The following PEPD variants were observed in gnomAD, a reference collection of about 807,000 sequenced individuals.
PEPD encodes peptidase D.
A neutral mutation model predicts 60.7 loss-of-function variants in PEPD; 53 were observed. The ratio of observed to expected loss-of-function variants is 0.87; its 90% confidence interval spans 0.70 to 1.10. The LOEUF (loss-of-function observed/expected upper bound fraction) is 1.10, where lower values mean the gene tolerates loss of function less well. PEPD is among the 50% of genes least tolerant of loss of function. The probability of loss-of-function intolerance (pLI) is 0.00; values close to 1 mark genes in which losing one functional copy is unlikely to be tolerated. For synonymous variants in PEPD, 267 were observed against 284.1 expected (o/e 0.94, Z 0.60); for missense variants, 711 against 711.9 (o/e 1.00, Z 0.01).
chr19:33,497,371 C>G (rs1970628137), intron 4 of PEPD, among the ~76,000 whole-genome samples: 2 of 152,266 alleles, frequency 1.3e-5, no homozygotes, highest in Non-Finnish European at 2.9e-5. Context: ...CAGCTCTCAG[C>G]CGGTGATCCC....
chr19:33,448,005 T>C (rs1473492214), intron 9 of PEPD, among the ~76,000 whole-genome samples: 1 of 152,096 alleles, frequency 6.6e-6, no homozygotes, highest in Non-Finnish European at 1.5e-5. Flanking sequence ...TTATCATAAA[T>C]TACCTCCAGG....
chr19:33,391,463 G>C lies in PEPD; in HGVS notation c.984C>G (p.Asp328Glu), dbSNP rs368959300. Residue 328 changes from aspartate to glutamate, a missense_variant, in exon 13 of 15, where the codon GAC becomes GAG. By Grantham distance (45) the Asp-to-Glu change is conservative (BLOSUM62 2). Coordinates refer to ENST00000244137, the MANE Select transcript of PEPD (RefSeq NM_000285.4). ...GAMKPGVWWPDMHRLADRIHL... is the reference protein window; with the variant it reads ...GAMKPGVWWPEMHRLADRIHL... ...GGATGCGGTCAGCCAGGCGGTGCAT[G>C]TCAGGCCACCAGACACCTGTGGGCC... The C allele has an allele frequency of 2.4e-5, 37 of 1,551,254 alleles. No homozygotes were observed. In the Middle Eastern group the frequency reaches 5.5e-4, roughly 23 times the overall value.
At chr19:33,498,542 G>T (rs1970650326) in intron 4 of PEPD, among the ~76,000 whole-genome samples, 2 of 152,204 alleles carry the variant, frequency 1.3e-5, no homozygotes, top group South Asian at 4.1e-4. Flanking sequence ...GAGGTGGCTC[G>T]GACTCAGCAG....
chr19:33,492,011 G>T (rs184545873), intron 5 of PEPD, among the ~76,000 whole-genome samples: 236 of 115,634 alleles, frequency 2.0e-3, no homozygotes, highest in Admixed American at 6.2e-3. Flanking sequence ...TCTTTGAAGA[G>T]AAACCTCTAC....
chr19:33,398,965 A>T (rs1375982455), intron 12 of PEPD, among the ~76,000 whole-genome samples: 1 of 152,072 alleles, frequency 6.6e-6, no homozygotes, highest in African/African-American at 2.4e-5. Flanking sequence ...CTGTATATTC[A>T]TACTCAGGGG....
intron 4 of PEPD, among the ~76,000 whole-genome samples, chr19:33,497,547 T>C (rs2145329900): frequency 6.6e-6 from 1 of 152,376 alleles, no homozygotes; most frequent in South Asian, 2.1e-4. Flanking sequence ...CTGCATGGCA[T>C]ACATGCTATC....
At chr19:33,479,406 T>A (rs951493836) in intron 6 of PEPD, among the ~76,000 whole-genome samples, 2 of 152,108 alleles carry the variant, frequency 1.3e-5, no homozygotes, top group African/African-American at 4.8e-5. Context: ...GGCGAATGAA[T>A]TCTTTTTTTT....
chr19:33,446,760 G>C (rs1176638322), intron 9 of PEPD, among the ~76,000 whole-genome samples: 5 of 152,258 alleles, frequency 3.3e-5, no homozygotes, highest in African/African-American at 1.2e-4. Flanking sequence ...CCGCACCGAG[G>C]GTGGTGAGGC....
intron 7 of PEPD, among the ~76,000 whole-genome samples, chr19:33,468,704 G>A (rs577737301): frequency 1.3e-5 from 2 of 152,316 alleles, no homozygotes; most frequent in East Asian, 3.9e-4. Context: ...GCAGCGCAGC[G>A]ACACCTTCCC....
chr19:33,415,824 A>G (rs978407440), intron 9 of PEPD, among the ~76,000 whole-genome samples: 2 of 152,236 alleles, frequency 1.3e-5, no homozygotes, highest in East Asian at 1.9e-4. Flanking sequence ...GAGGAGGAGC[A>G]CCACGTGCTG....
intron 9 of PEPD, among the ~76,000 whole-genome samples, chr19:33,424,038 A>G (rs4362488): frequency 0.44 from 66,506 of 152,128 alleles, 15,025 homozygotes; most frequent in African/African-American, 0.55. Context: ...TTGGAGCACC[A>G]TCTTGTTGAA....
intron 7 of PEPD, chr19:33,477,018 C>G (rs1970229433): frequency 6.6e-6 from 1 of 152,214 alleles, no homozygotes; most frequent in Non-Finnish European, 1.5e-5. Context: ...TTAAACCCTT[C>G]AAGGGTTTCC....
At chr19:33,427,589 A>G (rs922251441) in intron 9 of PEPD, among the ~76,000 whole-genome samples, 4 of 152,262 alleles carry the variant, frequency 2.6e-5, no homozygotes, top group African/African-American at 9.6e-5. Context: ...ACTTTGGGGT[A>G]GCTTAAACCT....
At chr19:33,510,221 C>A (rs951302922) in intron 3 of PEPD, among the ~76,000 whole-genome samples, 2 of 152,284 alleles carry the variant, frequency 1.3e-5, no homozygotes, top group South Asian at 2.1e-4. Flanking sequence ...TGGAGGAACA[C>A]CAGGGTTCTT....
chr19:33,519,374 G>A (rs1971087315), intron 1 of PEPD, among the ~76,000 whole-genome samples: 1 of 152,170 alleles, frequency 6.6e-6, no homozygotes, highest in Non-Finnish European at 1.5e-5. Flanking sequence ...CAGTCACCTG[G>A]AACTCTCATG....
chr19:33,479,169 TC>T, intron 6 of PEPD, among the ~76,000 whole-genome samples: 1 of 151,186 alleles, frequency 6.6e-6, no homozygotes, highest in East Asian at 1.9e-4. Context: ...TCAATTGTAA[TC>T]CCCATAATCA....
chr19:33,511,781 G>C (rs1235741094), intron 2 of PEPD, among the ~76,000 whole-genome samples: 2 of 152,190 alleles, frequency 1.3e-5, no homozygotes, highest in African/African-American at 2.4e-5. Context: ...ATCAAGACTA[G>C]CCAGAGAAAA....
At chr19:33,408,487 TG>T (rs1179430143) in intron 11 of PEPD, among the ~76,000 whole-genome samples, 2 of 152,202 alleles carry the variant, frequency 1.3e-5, no homozygotes, top group African/African-American at 4.8e-5. Flanking sequence ...GTGTGCGTGT[TG>T]GGGGAGTGCT....
chr19:33,457,516 T>C (rs1254230550), intron 9 of PEPD, among the ~76,000 whole-genome samples: 1 of 152,172 alleles, frequency 6.6e-6, no homozygotes, highest in Non-Finnish European at 1.5e-5. Context: ...TCAAAGTTTC[T>C]AGTCTTTTTT....
Sources: allele counts gnomAD v4.1 joint callset (sites outside exome capture counted in the v4.1 genomes callset), GRCh38; gene constraint gnomAD v4.1.1; transcripts MANE v1.5; gene names NCBI Gene and HGNC (gene_info 2026-07-23, HGNC 2026-07-21).